The following SLC29A4 variants were observed in gnomAD, a reference collection of about 807,000 sequenced individuals.
SLC29A4 encodes solute carrier family 29 member 4, also known as equilibrative nucleoside transporter 4.
In SLC29A4, 36 loss-of-function variants were observed where a neutral mutation model predicts 43.9. The observed-to-expected ratio is 0.82, with a 90% confidence interval of 0.63 to 1.08. The LOEUF (loss-of-function observed/expected upper bound fraction) is 1.08, where lower values mean the gene tolerates loss of function less well. SLC29A4 is among the 50% of genes least tolerant of loss of function. SLC29A4 has a pLI of 0.00. For missense variants in SLC29A4, 869 were observed against 755.3 expected (o/e 1.15, Z -1.77); for synonymous variants, 491 against 338.0 (o/e 1.45, Z -4.97).
intron 5 of SLC29A4, among the ~76,000 whole-genome samples, chr7:5,293,346 A>T (rs1370897228): frequency 6.6e-6 from 1 of 151,070 alleles, no homozygotes; most frequent in African/African-American, 2.4e-5. Flanking sequence ...TAATTTGTGT[A>T]TTTTTAGTAG....
chr7:5,295,321 G>A (rs773143590), intron 6 of SLC29A4, among the ~76,000 whole-genome samples: 7 of 152,212 alleles, frequency 4.6e-5, no homozygotes, highest in East Asian at 1.9e-4. Flanking sequence ...CTACAGCACC[G>A]CGCTCTCCTT....
In SLC29A4 at chr7:5,305,076, A is replaced by G. The variant is rs1786415326; in HGVS notation, c.*2137A>G. On this transcript the variant is annotated 3_prime_UTR_variant, in exon 11 of 11. Coordinates refer to ENST00000396872, the MANE Select transcript of SLC29A4 (RefSeq NM_153247.4). ...AGTGTTCCCCCTGCCTTGGCCTCCC[A>G]AAGTGCCAGGATTACAGGTATGAGT... 6.6e-6 allele frequency: 1 copy of G among 152,230 alleles called. No individual in the cohort carries two copies. The highest frequency in any genetic ancestry group is 2.4e-5 in the African/African-American group (1 of 41,448). The allele number at this position is 152,230 out of a possible 1,614,324, so 9.4% of individuals were successfully genotyped here.
chr7:5,298,797 C>T (rs1474104433), intron 7 of SLC29A4, among the ~76,000 whole-genome samples, 191 bp from the exon 8 acceptor site: 1 of 152,174 alleles, frequency 6.6e-6, no homozygotes, highest in Admixed American at 6.5e-5. Flanking sequence ...AAGACCCTCT[C>T]TCTAAAACAA....
At chr7:5,283,133 G>T (rs1247490790) in intron 1 of SLC29A4, 51 bp downstream of exon 1, 1 of 149,804 alleles carries the variant, frequency 6.7e-6, no homozygotes, top group Non-Finnish European at 1.5e-5. Context: ...ACCTGTCGGA[G>T]CCTTTGTCTG....
Position 5,300,443 on chromosome 7 carries a change from G to A in SLC29A4, c.1231G>A (p.Asp411Asn), listed in dbSNP as rs1376983256. 8 of 1,611,276 alleles carry A rather than the reference G, an allele frequency of 5.0e-6. No individual in the cohort carries two copies. Among genetic ancestry groups the A allele is most frequent in the Non-Finnish European group, 6.8e-6 (8 of 1,179,710 alleles). ...VGKILAALPV[D>N]WRGTHLLACS... ...GCAGATCCTGGCAGCCCTGCCCGTG[G>A]ACTGGCGGGGCACCCACCTGCTGGC... Residue 411 changes from aspartate to asparagine, a missense_variant, in exon 10 of 11, where the codon GAC becomes AAC. Physicochemically the swap from Asp to Asn is conservative, Grantham distance 23. Coordinates refer to ENST00000396872, the MANE Select transcript of SLC29A4 (RefSeq NM_153247.4).
Position 5,300,558 on chromosome 7 carries a change from C to T in SLC29A4, c.1346C>T (p.Pro449Leu). The change falls in exon 10 of 11, where the codon CCC (proline) becomes CTC (leucine). Residue 449 changes from proline (P) to leucine (L), a missense_variant. Transcript: ENST00000396872. ...GMPALRHPAW[P>L]CIFSLLMGIS... Reference sequence around the variant, plus strand: ...CCCGCCCTCCGTCACCCCGCCTGGCCCTGCATCTTCTCACTGCTCATGGGC... The same window carrying T: ...CCCGCCCTCCGTCACCCCGCCTGGCTCTGCATCTTCTCACTGCTCATGGGC... 6.2e-7 allele frequency: 1 copy of T among 1,612,430 alleles called. No homozygotes were observed. Among genetic ancestry groups the T allele is most frequent in the Non-Finnish European group, 8.5e-7 (1 of 1,179,732 alleles).
chr7:5,287,358 A>C (rs1357746598), intron 1 of SLC29A4, among the ~76,000 whole-genome samples: 1 of 151,996 alleles, frequency 6.6e-6, no homozygotes, highest in African/African-American at 2.4e-5. Flanking sequence ...GTCGTGGCTG[A>C]AATGAGTGAT....
chr7:5,299,461 G>A (rs765068222), intron 9 of SLC29A4, 34 bp downstream of exon 9: 37 of 1,591,150 alleles, frequency 2.3e-5, no homozygotes, highest in South Asian at 9.2e-5. Flanking sequence ...GTCGGGGGAC[G>A]CCATGGGGTG....
At chr7:5,286,999 C>T (rs531282641) in intron 1 of SLC29A4, among the ~76,000 whole-genome samples, 1 of 152,354 alleles carries the variant, frequency 6.6e-6, no homozygotes, top group East Asian at 1.9e-4. Flanking sequence ...CCATCTATTT[C>T]TCACCGTGCC....
At position 5,302,833 on chromosome 7, in the gene SLC29A4, C is replaced by T. The variant is rs1786264097; in HGVS notation, c.1487C>T (p.Thr496Met). ...TMTVSYMSGL[T>M]LGSAVAYCTY... ...ACCGTGTCCTACATGTCAGGGCTGA[C>T]GCTGGGGTCCGCCGTGGCCTACTGC... The change falls in exon 11 of 11, where the codon ACG (threonine) becomes ATG (methionine). Residue 496 changes from threonine (T) to methionine (M), a missense_variant. By Grantham distance (81) the Thr-to-Met change is moderately conservative. Transcript: ENST00000396872. The T allele has an allele frequency of 5.7e-6, 9 of 1,576,312 alleles. No individual in the cohort carries two copies. The highest frequency in any genetic ancestry group is 4.0e-5 in the African/African-American group (3 of 74,146).
chr7:5,300,363 GTGTGAGGCGAGTGGGGC>G, intron 9 of SLC29A4, 42 bp from the exon 10 acceptor site: 14 of 1,606,088 alleles, frequency 8.7e-6, no homozygotes, highest in Non-Finnish European at 1.1e-5. Flanking sequence ...GCTGTCGGGG[GTGTGAGGCGAGTGGGGC>G]TGTGGCCGGG....
At chr7:5,302,192 C>A (rs1299206935) in intron 10 of SLC29A4, among the ~76,000 whole-genome samples, 1 of 152,108 alleles carries the variant, frequency 6.6e-6, no homozygotes, top group Non-Finnish European at 1.5e-5. Context: ...CTCAGGTGAT[C>A]TGCCTGCCTC....
At chr7:5,289,572 T>A (rs1249942212) in intron 2 of SLC29A4, among the ~76,000 whole-genome samples, 2 of 152,040 alleles carry the variant, frequency 1.3e-5, no homozygotes, top group Non-Finnish European at 2.9e-5. Context: ...GTAATTTCCC[T>A]TTTGATAAAG....
At chr7:5,283,906 A>G (rs1425346542) in intron 1 of SLC29A4, among the ~76,000 whole-genome samples, 1 of 152,090 alleles carries the variant, frequency 6.6e-6, no homozygotes, top group Non-Finnish European at 1.5e-5. Context: ...GAGTGAGGCC[A>G]GACTGGCTTT....
intron 5 of SLC29A4, among the ~76,000 whole-genome samples, chr7:5,292,327 T>G (rs1785360407): frequency 6.6e-6 from 1 of 152,150 alleles, no homozygotes; most frequent in African/African-American, 2.4e-5. Flanking sequence ...TTGCCCAGGC[T>G]AGTCTTGAAC....
chr7:5,295,855 C>T (rs1163000911), intron 6 of SLC29A4, among the ~76,000 whole-genome samples: 1 of 152,140 alleles, frequency 6.6e-6, no homozygotes, highest in African/African-American at 2.4e-5. Context: ...ATTGTGCCGG[C>T]ACACTGATGT....
rs562759619 is a variant in SLC29A4 at position 5,296,083 on chromosome 7, A to G, written c.620-853A>G. On this transcript the variant is annotated intron_variant, in intron 6 of 10. Transcript: ENST00000396872. ...CCTAATGGCGGCTTCCAGCGCCTCAAACATGAGCACTGAGCTCACAGCAGC... is the reference window on the plus strand; with the variant it reads ...CCTAATGGCGGCTTCCAGCGCCTCAGACATGAGCACTGAGCTCACAGCAGC... Among the ~76,000 whole-genome samples, 330 of 152,008 alleles carry G rather than the reference A, an allele frequency of 2.2e-3. 2 individuals carry two copies. Among genetic ancestry groups the G allele is most frequent in the African/African-American group, 7.6e-3 (315 of 41,442 alleles).
Position 5,290,712 on chromosome 7 carries a change from C to T in SLC29A4, c.170-20C>T. On this transcript the variant is annotated intron_variant, in intron 2 of 10. Coordinates refer to ENST00000396872, the MANE Select transcript of SLC29A4 (RefSeq NM_153247.4). ...CATGCGTGGAGCGTGCCCCGTCTCA[C>T]CTGGTGTCTCTGGCTTTAGCATTGG... 6.3e-7 allele frequency: 1 copy of T among 1,598,826 alleles called. No homozygotes were observed. Among genetic ancestry groups the T allele is most frequent in the East Asian group, 2.2e-5 (1 of 44,580 alleles).
chr7:5,287,041 C>T (rs1245468071), intron 1 of SLC29A4, among the ~76,000 whole-genome samples: 1 of 152,204 alleles, frequency 6.6e-6, no homozygotes, highest in African/African-American at 2.4e-5. Context: ...CTTGGTTGCT[C>T]CCCGGGACAG....
Sources: gnomAD v4.1 joint callset for allele counts (sites outside exome capture counted in the v4.1 genomes callset) on GRCh38, gnomAD v4.1.1 for gene constraint, MANE v1.5 for transcripts, NCBI Gene and HGNC (gene_info 2026-07-23, HGNC 2026-07-21) for gene names.